The following PLIN2 variants were observed in gnomAD, a reference collection of about 807,000 sequenced individuals.
PLIN2 encodes the protein perilipin 2.
PLIN2 carries 33 observed loss-of-function variants against 30.6 expected under a neutral mutation model. The ratio of observed to expected loss-of-function variants is 1.08; its 90% CI spans 0.82 to 1.44. The LOEUF (loss-of-function observed/expected upper bound fraction) is 1.44, where lower values mean the gene tolerates loss of function less well. PLIN2 is among the 40% of genes most tolerant of loss of function. The pLI is 0.00. For missense variants in PLIN2, 610 were observed against 531.8 expected, an observed-to-expected ratio of 1.15 and a Z score of -1.45; for synonymous variants, 205 against 201.1, an observed-to-expected ratio of 1.02 and a Z score of -0.16.
chr9:19,126,412 T>C lies in PLIN2; in HGVS notation c.15A>G (p.Ala5=). The stretch of plus-strand genomic sequence containing the variant: ...AAATTCATACCGGTTGTGGATCAAC[T>C]GCAACGGATGCCATTTTTCTTCCTG... The part of the protein sequence containing the change: MASV[A]VDPQPSVVTR... Residue 5 remains alanine, a synonymous_variant, in exon 2 of 8, where the codon GCA becomes GCG. Transcript: ENST00000276914. 1.2e-6 allele frequency: 2 copies of C among 1,613,258 alleles called. No individual in the cohort carries two copies. The highest frequency in any genetic ancestry group is 1.3e-5 in the African/African-American group (1 of 75,032).
chr9:19,110,596 C>T (rs1818147180), intron 2 of PLIN2, among the ~76,000 whole-genome samples: 1 of 151,928 alleles, frequency 6.6e-6, no homozygotes, highest in South Asian at 2.1e-4. Flanking sequence ...CTGCCTCAGC[C>T]ACCCAAGTAC....
Position 19,116,418 on chromosome 9 carries a change from T to G in PLIN2, c.1144A>C (p.Lys382Gln), listed in dbSNP as rs574721430. The G allele has an allele frequency of 6.2e-7, 1 of 1,614,214 alleles. No homozygotes were observed. Among genetic ancestry groups the G allele is most frequent in the Admixed American group, 1.7e-5 (1 of 60,014 alleles). The change falls in exon 8 of 8, where the codon AAG becomes CAG. Residue 382 changes from lysine to glutamine, a missense_variant. Coordinates refer to ENST00000276914, the MANE Select transcript of PLIN2 (RefSeq NM_001122.4). ...TCCATCACGTCATCTAAAGATTCCT[T>G]CATTTTCTGCAGCTGCCCCTTGCTA... is the stretch of plus-strand genomic sequence containing the variant. ...TSSKGQLQKM[K>Q]ESLDDVMDYL...
intron 3 of PLIN2, 59 bp from the exon 4 acceptor site, chr9:19,123,706 T>A (rs1049603258): frequency 2.7e-5 from 38 of 1,429,902 alleles, no homozygotes; most frequent in Admixed American, 3.6e-5. Context: ...TGAACACACA[T>A]TACCATAGGC....
downstream of PLIN2, among the ~76,000 whole-genome samples, chr9:19,111,558 T>G (rs1818159841): frequency 6.6e-6 from 1 of 152,090 alleles, no homozygotes; most frequent in African/African-American, 2.4e-5. Flanking sequence ...GACCTGGGAC[T>G]AGCCCAGTGA....
At chr9:19,115,344 T>G (rs1177550722), downstream of PLIN2, among the ~76,000 whole-genome samples, 2 of 151,624 alleles carry the variant, frequency 1.3e-5, no homozygotes, top group Non-Finnish European at 2.9e-5. Flanking sequence ...GTCTTGCTCT[T>G]TCGCCCAGGC....
intron 6 of PLIN2, among the ~76,000 whole-genome samples, chr9:19,119,046 C>T (rs1818273209): frequency 6.6e-6 from 1 of 152,190 alleles, no homozygotes; most frequent in East Asian, 1.9e-4. Flanking sequence ...CATTACAAAA[C>T]AGAAAGGAAT....
In PLIN2 at chr9:19,123,618, C is replaced by G. The variant is rs780284281; in HGVS notation, c.256G>C (p.Gly86Arg). The G allele has an allele frequency of 6.2e-7, 1 of 1,614,000 alleles. No individual in the cohort carries two copies. Among genetic ancestry groups the G allele is most frequent in the Non-Finnish European group, 8.5e-7 (1 of 1,180,012 alleles). ...AGTCTCTCCTCAATCCTGTCTAGCC[C>G]CTTACAGGCATAGGTATTGGCAACT... ...IAVANTYACK[G>R]LDRIEERLPI... is the part of the protein sequence containing the mutation. The change falls in exon 4 of 8, where the codon GGG becomes CGG. Residue 86 changes from glycine to arginine, a missense_variant. Physicochemically the swap from Gly to Arg is moderately radical, Grantham distance 125. Transcript: ENST00000276914.
chr9:19,127,175 G>C lies in PLIN2; in HGVS notation c.-23+244C>G, dbSNP rs1818415262. Among the ~76,000 whole-genome samples, 1 of 152,216 alleles carries C rather than the reference G, an allele frequency of 6.6e-6. No homozygotes were observed. The highest frequency in any genetic ancestry group is 6.5e-5 in the Admixed American group (1 of 15,276). On this transcript the variant is annotated intron_variant, in intron 1 of 7. Coordinates refer to ENST00000276914, the MANE Select transcript of PLIN2 (RefSeq NM_001122.4). The surrounding 1 kb of genome is among the most constrained non-coding windows in gnomAD (Gnocchi z 4.3). ...CCCTAAATCTGTTGGCAGGAAAGAA[G>C]CCTCAACGCACAAAGGCAAGGGTCG...
chr9:19,120,704 G>A (rs773882881), intron 5 of PLIN2, among the ~76,000 whole-genome samples, 176 bp downstream of exon 5: 1 of 152,106 alleles, frequency 6.6e-6, no homozygotes, highest in Non-Finnish European at 1.5e-5. Flanking sequence ...AATTAAAAAG[G>A]ACTGACTGCA....
intron 4 of PLIN2, 175 bp downstream of exon 4, chr9:19,123,390 C>G: frequency 1.3e-6 from 2 of 1,551,464 alleles, no homozygotes; most frequent in Non-Finnish European, 8.7e-7. Context: ...TTCGTAGATA[C>G]AACTTGACAA....
At chr9:19,110,184 G>A (rs1028142929) in intron 2 of PLIN2, among the ~76,000 whole-genome samples, 1 of 151,496 alleles carries the variant, frequency 6.6e-6, no homozygotes, top group Admixed American at 6.6e-5. Flanking sequence ...CTGCAACCAT[G>A]CCTGGCTAAT....
At chr9:19,110,795 T>C (rs548380720), downstream of PLIN2, among the ~76,000 whole-genome samples, 20 of 152,264 alleles carry the variant, frequency 1.3e-4, no homozygotes, top group African/African-American at 4.6e-4. Flanking sequence ...ATCTTTTATA[T>C]GGCACTCTCA....
At chr9:19,119,230 G>T (rs1431840604) in intron 6 of PLIN2, among the ~76,000 whole-genome samples, 1 of 152,208 alleles carries the variant, frequency 6.6e-6, no homozygotes, top group Non-Finnish European at 1.5e-5. Flanking sequence ...GATGTGCATT[G>T]TTATAGTCTC....
At chr9:19,109,696 G>A (rs924443617) in intron 2 of PLIN2, among the ~76,000 whole-genome samples, 2 of 149,248 alleles carry the variant, frequency 1.3e-5, no homozygotes, top group African/African-American at 2.5e-5. Context: ...GACCAGGTGC[G>A]GTGGCTCACG....
chr9:19,119,228 T>C (rs1311245230), intron 6 of PLIN2, among the ~76,000 whole-genome samples: 2 of 152,244 alleles, frequency 1.3e-5, no homozygotes, highest in African/African-American at 4.8e-5. Context: ...TGGATGTGCA[T>C]TGTTATAGTC....
chr9:19,116,488 G>T lies in PLIN2; in HGVS notation c.1074C>A (p.Arg358=). The change falls in exon 8 of 8, where the codon CGC becomes CGA. Residue 358 remains arginine (R), a synonymous_variant. Coordinates refer to ENST00000276914, the MANE Select transcript of PLIN2 (RefSeq NM_001122.4). Reference sequence around the variant, plus strand: ...ACACTTCTTTAAAGGAGGCAGCATTGCGGAACACTGAGTAGATGTCGCCTG... The same window carrying T: ...ACACTTCTTTAAAGGAGGCAGCATTTCGGAACACTGAGTAGATGTCGCCTG... ...VMAGDIYSVF[R]NAASFKEVSD... 6.2e-7 allele frequency: 1 copy of T among 1,614,198 alleles called. No homozygotes were observed.
chr9:19,118,262 T>G, intron 7 of PLIN2, 59 bp downstream of exon 7: 2 of 1,496,450 alleles, frequency 1.3e-6, no homozygotes. Context: ...AAAATTGAAA[T>G]GAAAAGTCTG....
rs147476214 is a variant in PLIN2, at chr9:19,122,799, AT to A, written c.309+765del. Among the ~76,000 whole-genome samples the A allele has an allele frequency of 8.2e-3, 1,251 of 152,198 alleles. 19 individuals are homozygous for A. The highest frequency in any genetic ancestry group is 0.029 in the African/African-American group (1,194 of 41,536). ...GCTCCTTATGAGAATCTAATGATAA[AT>A]ATAGTGCACTTGAATCATCCCAAAA... On this transcript the variant is annotated intron_variant, in intron 4 of 7. Coordinates refer to ENST00000276914, the MANE Select transcript of PLIN2 (RefSeq NM_001122.4).
At chr9:19,119,860 C>T (rs757408700) in intron 5 of PLIN2, 29 bp from the exon 6 acceptor site, 2 of 1,468,068 alleles carry the variant, frequency 1.4e-6, no homozygotes, top group African/African-American at 1.4e-5. Flanking sequence ...GACAAAAAAA[C>T]TTAAGGGATC....
Sources: allele counts gnomAD v4.1 joint callset (sites outside exome capture counted in the v4.1 genomes callset), GRCh38; gene constraint gnomAD v4.1.1; non-coding constraint Gnocchi (gnomAD v3.1); transcripts MANE v1.5; gene names NCBI Gene and HGNC (gene_info 2026-07-23, HGNC 2026-07-21).